KCNE3: variants seen among roughly 807,000 people sequenced by gnomAD.
KCNE3 encodes the protein potassium voltage-gated channel subfamily E member 3.
In KCNE3, 2 loss-of-function variants were observed where a neutral mutation model predicts 4.3. That is an observed-to-expected ratio of 0.47 (90% CI 0.19 to 1.48). KCNE3 has a LOEUF of 1.48. KCNE3 is among the 40% of genes most tolerant of loss of function. The probability of loss-of-function intolerance (pLI) is 0.25; values close to 1 mark genes in which losing one functional copy is unlikely to be tolerated. For missense variants in KCNE3, 128 were observed against 136.8 expected, an observed-to-expected ratio of 0.94 and a Z score of 0.32; for synonymous variants, 47 against 52.0, an observed-to-expected ratio of 0.90 and a Z score of 0.41.
chr11:74,467,031 C>T lies in KCNE3; in HGVS notation c.-190+367G>A, dbSNP rs1472648266. On this transcript the variant is annotated intron_variant, in intron 1 of 2. Coordinates refer to ENST00000310128, the MANE Select transcript of KCNE3 (RefSeq NM_005472.5). This position sits in a 1 kb window ranked among gnomAD's most constrained non-coding sequence, Gnocchi z 4.4. The stretch of plus-strand genomic sequence containing the variant: ...GAGACTGTGCTGGGTCCTGAAATGT[C>T]GTTTCTGCGTGTGCACTGGCTGCCA... Among the ~76,000 whole-genome samples, 1 of 152,186 alleles carries T rather than the reference C, an allele frequency of 6.6e-6. No individual in the cohort carries two copies. The highest frequency in any genetic ancestry group is 6.5e-5 in the Admixed American group (1 of 15,276).
chr11:74,459,170 A>G (rs1402365086), intron 2 of KCNE3, among the ~76,000 whole-genome samples: 2 of 152,180 alleles, frequency 1.3e-5, no homozygotes, highest in Admixed American at 1.3e-4. Context: ...CTCCTGAAAT[A>G]AAGTCATTAT....
chr11:74,458,483 T>G (rs1376009522), intron 2 of KCNE3, among the ~76,000 whole-genome samples: 5 of 152,182 alleles, frequency 3.3e-5, no homozygotes, highest in African/African-American at 1.2e-4. Context: ...AGCAGGACTG[T>G]GCAGCACCAT....
At chr11:74,457,650 C>T (rs571006446) in intron 2 of KCNE3, 47 bp from the exon 3 acceptor site, 3 of 1,158,166 alleles carry the variant, frequency 2.6e-6, no homozygotes, top group African/African-American at 3.0e-5. Flanking sequence ...TCACCTGCAG[C>T]TCAAATGACC....
intron 1 of KCNE3, among the ~76,000 whole-genome samples, chr11:74,466,160 G>A (rs1263095623): frequency 6.6e-6 from 1 of 152,220 alleles, no homozygotes; most frequent in African/African-American, 2.4e-5. Context: ...AACACGTCTA[G>A]CCGTGCGTTT....
At chr11:74,458,766 G>A (rs1863879864) in intron 2 of KCNE3, among the ~76,000 whole-genome samples, 1 of 152,056 alleles carries the variant, frequency 6.6e-6, no homozygotes, top group African/African-American at 2.4e-5. Flanking sequence ...CTCAGAAGGT[G>A]GAGGTTGCAG....
intron 1 of KCNE3, among the ~76,000 whole-genome samples, chr11:74,466,894 CT>C (rs1448576742): frequency 1.3e-5 from 2 of 152,212 alleles, no homozygotes; most frequent in Non-Finnish European, 2.9e-5. Context: ...GCAGAAGATG[CT>C]TTTGGGAGTC....
chr11:74,462,716 C>T (rs1863981209), intron 1 of KCNE3: 1 of 152,208 alleles, frequency 6.6e-6, no homozygotes, highest in Non-Finnish European at 1.5e-5. Context: ...CTGGAAGGGC[C>T]TTCAGAGCCC....
chr11:74,463,153 T>C (rs968901678), intron 1 of KCNE3, among the ~76,000 whole-genome samples: 4 of 151,962 alleles, frequency 2.6e-5, no homozygotes, highest in South Asian at 2.1e-4. Flanking sequence ...GAGGAGGGGA[T>C]AGACTCTGCA....
At chr11:74,463,654 G>A (rs887896616) in intron 1 of KCNE3, among the ~76,000 whole-genome samples, 18 of 152,134 alleles carry the variant, frequency 1.2e-4, no homozygotes, top group Non-Finnish European at 2.5e-4. Flanking sequence ...CAAGCTGAGA[G>A]GGACTTTAAG....
intron 1 of KCNE3, among the ~76,000 whole-genome samples, chr11:74,463,376 T>A (rs1460785929): frequency 6.6e-6 from 1 of 152,106 alleles, no homozygotes; most frequent in Non-Finnish European, 1.5e-5. Flanking sequence ...TGCCAGGGCC[T>A]CCTGTCTGCG....
intron 2 of KCNE3, among the ~76,000 whole-genome samples, chr11:74,460,730 C>T (rs2135012056): frequency 1.3e-5 from 2 of 152,286 alleles, no homozygotes; most frequent in African/African-American, 4.8e-5. Context: ...CCTTGAGTGC[C>T]ACGCTGTAGA....
chr11:74,457,399 G>C lies in KCNE3; in HGVS notation c.165C>G (p.Asp55Glu). The C allele has an allele frequency of 6.2e-7, 1 of 1,613,988 alleles. No individual in the cohort carries two copies. The highest frequency in any genetic ancestry group is 8.5e-7 in the Non-Finnish European group (1 of 1,179,838). ...CAAAGAGAATGTACATGTAGGAGTT[G>C]TCATCACGGCCAGGTAGGCTGGCCC... is the stretch of plus-strand genomic sequence containing the variant. The part of the protein sequence containing the change: ...ERRASLPGRD[D>E]NSYMYILFVM... The change falls in exon 3 of 3, where the codon GAC becomes GAG. Residue 55 changes from aspartate (D) to glutamate (E), a missense_variant. By Grantham distance (45) the Asp-to-Glu change is conservative (BLOSUM62 2). Coordinates refer to ENST00000310128, the MANE Select transcript of KCNE3 (RefSeq NM_005472.5).
chr11:74,456,181 A>ATATATATATATAT lies in KCNE3; in HGVS notation c.*1070_*1071insATATATATATATA, dbSNP rs1863809814. 2 of 69,818 alleles carry ATATATATATATAT rather than the reference A, an allele frequency of 2.9e-5. No individual in the cohort carries two copies. The highest frequency in any genetic ancestry group is 2.9e-4 in the Admixed American group (2 of 6,836). The allele number at this position is 69,818 out of a possible 1,614,324, so 4.3% of individuals were successfully genotyped here. A position where few individuals can be genotyped will look rare whatever the true frequency, so the allele number is the denominator to read the frequency against. On this transcript the variant is annotated 3_prime_UTR_variant, in exon 3 of 3. Coordinates refer to ENST00000310128, the MANE Select transcript of KCNE3 (RefSeq NM_005472.5). The stretch of plus-strand genomic sequence containing the variant: ...ATATATATATATATATATATATATA[A>ATATATATATATAT]ATTAACTGGGTGTGGTGACAGGAAC...
At chr11:74,459,078 C>T (rs185692238) in intron 2 of KCNE3, among the ~76,000 whole-genome samples, 388 of 152,034 alleles carry the variant, frequency 2.6e-3, no homozygotes, top group South Asian at 6.0e-3. Context: ...GGCCTGAGGG[C>T]GGGAGAGTGA....
rs371546915 is a variant in KCNE3, at chr11:74,459,422, A to C, written c.-40-1819T>G. Among the ~76,000 whole-genome samples the C allele has an allele frequency of 8.7e-4, 132 of 151,934 alleles. No homozygotes were observed. The East Asian group carries it at 0.014, about 16-fold the overall frequency. ...GACTACAGGCGCCCGCCATCACGCC[A>C]GGCTAATTTTTTTGTATTTTTAGTA... On this transcript the variant is annotated intron_variant, in intron 2 of 2. Coordinates refer to ENST00000310128, the MANE Select transcript of KCNE3 (RefSeq NM_005472.5).
chr11:74,459,637 T>C (rs1002446652), intron 2 of KCNE3, among the ~76,000 whole-genome samples: 6 of 152,124 alleles, frequency 3.9e-5, no homozygotes, highest in South Asian at 2.1e-4. Context: ...ACTCACTTCC[T>C]TTAGGAAGCC....
intron 1 of KCNE3, among the ~76,000 whole-genome samples, chr11:74,466,813 C>T (rs1477611499): frequency 6.6e-6 from 1 of 152,162 alleles, no homozygotes; most frequent in Non-Finnish European, 1.5e-5. Context: ...GGGATGACTG[C>T]CCGGGTTTAC....
Position 74,456,329 on chromosome 11 carries a change from C to CAAA in KCNE3, c.*920_*922dup, listed in dbSNP as rs60016728. 25,941 of 120,118 alleles carry CAAA rather than the reference C, an allele frequency of 0.22. 3,672 individuals carry two copies. The highest frequency in any genetic ancestry group is 0.42 in the African/African-American group (12,927 of 31,114). The allele number at this position is 120,118 out of a possible 1,614,324, so 7.4% of individuals were successfully genotyped here. On this transcript the variant is annotated 3_prime_UTR_variant, in exon 3 of 3. Coordinates refer to ENST00000310128, the MANE Select transcript of KCNE3 (RefSeq NM_005472.5). Reference sequence around the variant, plus strand: ...CCTGGGTGACATAGGGAGACTGTCTCAAAAAAAAAAAAAGAAAAGAAAAGA... The same window carrying CAAA: ...CCTGGGTGACATAGGGAGACTGTCTCAAAAAAAAAAAAAAAAGAAAAGAAAAGA...
At chr11:74,461,702 A>G (rs1187214795) in intron 2 of KCNE3, among the ~76,000 whole-genome samples, 1 of 152,014 alleles carries the variant, frequency 6.6e-6, no homozygotes, top group Admixed American at 6.6e-5. Context: ...AAGGCTTGCT[A>G]TGAGCATATA....
Sources: allele counts gnomAD v4.1 joint callset (sites outside exome capture counted in the v4.1 genomes callset), GRCh38; gene constraint gnomAD v4.1.1; non-coding constraint Gnocchi (gnomAD v3.1); transcripts MANE v1.5; gene names NCBI Gene and HGNC (gene_info 2026-07-23, HGNC 2026-07-21).